The following CPED1 variants were observed in gnomAD, a reference collection of about 807,000 sequenced individuals.
CPED1 encodes the protein cadherin like and PC-esterase domain containing 1.
CPED1 carries 114 observed loss-of-function variants against 128.2 expected under a neutral mutation model. That is an observed-to-expected ratio of 0.89 (90% CI 0.76 to 1.04). The LOEUF is 1.04. Ranked by LOEUF, CPED1 falls within the 50% of genes least tolerant of loss-of-function variation. The pLI, the probability that CPED1 is intolerant of heterozygous loss-of-function variation, is 0.00. For missense variants in CPED1, 1,211 were observed against 1,207.1 expected, an observed-to-expected ratio of 1.00 and a Z score of -0.05; for synonymous variants, 462 against 426.7, an observed-to-expected ratio of 1.08 and a Z score of -1.02.
intron 3 of CPED1, among the ~76,000 whole-genome samples, chr7:121,036,236 A>G (rs1417346681): frequency 1.3e-5 from 2 of 152,060 alleles, no homozygotes; most frequent in Non-Finnish European, 2.9e-5. Flanking sequence ...CAAGCAGTGT[A>G]TACTGTACCC....
intron 16 of CPED1, among the ~76,000 whole-genome samples, chr7:121,174,975 G>A (rs1043572499): frequency 3.3e-5 from 5 of 151,472 alleles, no homozygotes; most frequent in Admixed American, 1.3e-4. Context: ...TAATTTATTT[G>A]GTGAAAATTG....
At chr7:121,290,294 A>G (rs1792668943) in intron 22 of CPED1, among the ~76,000 whole-genome samples, 1 of 152,226 alleles carries the variant, frequency 6.6e-6, no homozygotes, top group Non-Finnish European at 1.5e-5. Context: ...TTTTAGTAGA[A>G]TGATTTATAA....
intron 16 of CPED1, among the ~76,000 whole-genome samples, chr7:121,215,985 G>A (rs927546477): frequency 1.3e-5 from 2 of 151,858 alleles, no homozygotes; most frequent in Non-Finnish European, 2.9e-5. Context: ...AGAAAATTAA[G>A]GCAAAAAGAG....
intron 16 of CPED1, among the ~76,000 whole-genome samples, chr7:121,226,816 A>T (rs1178772162): frequency 6.6e-6 from 1 of 152,160 alleles, no homozygotes; most frequent in Non-Finnish European, 1.5e-5. Flanking sequence ...ATGTAAACAT[A>T]AGCTAATTCT....
intron 5 of CPED1, among the ~76,000 whole-genome samples, chr7:121,070,240 G>A (rs1793952654): frequency 6.6e-6 from 1 of 150,504 alleles, no homozygotes; most frequent in Non-Finnish European, 1.5e-5. Flanking sequence ...ACCAATAATA[G>A]TTATTTATTT....
chr7:121,263,828 A>G (rs2116740545), intron 18 of CPED1, among the ~76,000 whole-genome samples: 1 of 152,174 alleles, frequency 6.6e-6, no homozygotes, highest in East Asian at 1.9e-4. Context: ...ATTGAAATGA[A>G]AAGAAACTAC....
At chr7:121,003,178 C>T (rs1331834852) in intron 2 of CPED1, among the ~76,000 whole-genome samples, 4 of 152,168 alleles carry the variant, frequency 2.6e-5, no homozygotes, top group East Asian at 1.9e-4. Context: ...TCCCAAACAA[C>T]GTCCCCACCC....
intron 2 of CPED1, among the ~76,000 whole-genome samples, chr7:121,005,529 C>T (rs765601686): frequency 6.6e-6 from 1 of 151,998 alleles, no homozygotes; most frequent in Non-Finnish European, 1.5e-5. Flanking sequence ...GGAGGGATAG[C>T]ATCAGAAGAA....
chr7:121,022,710 G>C (rs1366697830), intron 3 of CPED1, among the ~76,000 whole-genome samples: 2 of 152,018 alleles, frequency 1.3e-5, no homozygotes, highest in Non-Finnish European at 2.9e-5. Context: ...ATGCTCTCTG[G>C]TAAAAGTAAG....
intron 16 of CPED1, among the ~76,000 whole-genome samples, chr7:121,175,104 C>T (rs1357522417): frequency 6.6e-6 from 1 of 152,210 alleles, no homozygotes; most frequent in East Asian, 1.9e-4. Flanking sequence ...TGTTTATCAG[C>T]TAAAGGAGCT....
intron 2 of CPED1, among the ~76,000 whole-genome samples, chr7:121,014,559 A>AAAT (rs994787658): frequency 4.0e-5 from 6 of 148,236 alleles, no homozygotes; most frequent in Non-Finnish European, 9.0e-5. Flanking sequence ...CAAAAAAAAA[A>AAAT]AATAATAATA....
chr7:121,047,517 T>G (rs1411607678), intron 4 of CPED1, among the ~76,000 whole-genome samples: 1 of 152,112 alleles, frequency 6.6e-6, no homozygotes, highest in African/African-American at 2.4e-5. Context: ...ATTTACATAT[T>G]GTTGATACCT....
intron 16 of CPED1, among the ~76,000 whole-genome samples, chr7:121,174,795 G>A (rs1796737990): frequency 6.6e-6 from 1 of 152,024 alleles, no homozygotes; most frequent in Non-Finnish European, 1.5e-5. Context: ...GCGGCATGGA[G>A]TCTGGAAACC....
Position 121,124,514 on chromosome 7 carries a change from G to T in CPED1, c.1061+41G>T, listed in dbSNP as rs751343033. ...TAATTTAAAAAAAAAAGAAAAGAAA[G>T]AAAGCAACCTATCTTTTAAAAATTG... On this transcript the variant is annotated intron_variant, in intron 8 of 22. Transcript: ENST00000310396. 5.9e-6 allele frequency: 8 copies of T among 1,348,032 alleles called. No individual in the cohort carries two copies. In the South Asian group the frequency reaches 1.2e-4, roughly 20 times the overall value. The allele number at this position is 1,348,032 out of a possible 1,614,324, so 83.5% of individuals were successfully genotyped here. A position where few individuals can be genotyped will look rare whatever the true frequency, so the allele number is the denominator to read the frequency against.
At chr7:121,174,036 G>A (rs561427608) in intron 16 of CPED1, among the ~76,000 whole-genome samples, 1 of 152,200 alleles carries the variant, frequency 6.6e-6, no homozygotes, top group South Asian at 2.1e-4. Context: ...TTTGAAAAGT[G>A]TGTATTAAAG....
intron 4 of CPED1, among the ~76,000 whole-genome samples, chr7:121,060,740 G>A (rs964576825): frequency 6.6e-6 from 1 of 152,228 alleles, no homozygotes. Context: ...GGTGGGGCCA[G>A]ATAAGAGAAT....
intron 18 of CPED1, 34 bp from the exon 19 acceptor site, chr7:121,266,193 G>A: frequency 6.6e-7 from 1 of 1,519,892 alleles, no homozygotes; most frequent in African/African-American, 1.4e-5. Flanking sequence ...GTAAACATAA[G>A]CTTTTAAACA....
At chr7:121,184,501 C>G (rs986597096) in intron 16 of CPED1, among the ~76,000 whole-genome samples, 1 of 152,150 alleles carries the variant, frequency 6.6e-6, no homozygotes, top group Non-Finnish European at 1.5e-5. Context: ...TCTTGCTAAA[C>G]TTTAGAAGGA....
At chr7:121,144,998 T>A (rs28733577) in intron 16 of CPED1, among the ~76,000 whole-genome samples, 3,224 of 152,068 alleles carry the variant, frequency 0.021, 117 homozygotes, top group African/African-American at 0.073. Flanking sequence ...TGGGCAAATG[T>A]CCTATATCTT....
Sources: allele counts gnomAD v4.1 joint callset (sites outside exome capture counted in the v4.1 genomes callset), GRCh38; gene constraint gnomAD v4.1.1; transcripts MANE v1.5; gene names NCBI Gene and HGNC (gene_info 2026-07-23, HGNC 2026-07-21).